The following WWP2 variants were observed in gnomAD, a reference collection of about 807,000 sequenced individuals.
WWP2 encodes WW domain containing E3 ubiquitin protein ligase 2.
A neutral mutation model predicts 121.0 loss-of-function variants in WWP2; 57 were observed. The ratio of observed to expected loss-of-function variants is 0.47; its 90% CI spans 0.38 to 0.59. The LOEUF (loss-of-function observed/expected upper bound fraction) is 0.59. Among genes scored for constraint, WWP2 ranks in the 20% least tolerant of loss-of-function variants. WWP2 has a pLI of 0.00. For synonymous variants in WWP2, 449 were observed against 441.3 expected, an observed-to-expected ratio of 1.02 and a Z score of -0.22; for missense variants, 962 against 1,158.9, an observed-to-expected ratio of 0.83 and a Z score of 2.47.
At chr16:69,933,054 G>T (rs1397850117) in intron 16 of WWP2, 1 of 491,088 alleles carries the variant, frequency 2.0e-6, no homozygotes, top group South Asian at 1.5e-5. Flanking sequence ...TCTGCTTGGT[G>T]GGCTTCTGGT....
chr16:69,824,320 G>A (rs1006753629), intron 4 of WWP2, among the ~76,000 whole-genome samples: 1 of 152,126 alleles, frequency 6.6e-6, no homozygotes, highest in African/African-American at 2.4e-5. Flanking sequence ...AGAGTGGTCC[G>A]TCAAAAGGGA....
In WWP2 at chr16:69,801,053, G is replaced by A. The variant is rs557829953; in HGVS notation, c.340+1758G>A. ...AAAATACAACAATTACCCAGGGATG[G>A]TGGTGGGCGCCTGTAATCCCGGCTA... On this transcript the variant is annotated intron_variant, in intron 4 of 23. Coordinates refer to ENST00000359154, the MANE Select transcript of WWP2 (RefSeq NM_001270454.2). Among the ~76,000 whole-genome samples the A allele has an allele frequency of 2.1e-4, 31 of 148,334 alleles. 1 individual carries two copies. The highest frequency in any genetic ancestry group is 3.4e-3 in the Middle Eastern group (1 of 294).
intron 9 of WWP2, among the ~76,000 whole-genome samples, chr16:69,913,805 C>T (rs910613844): frequency 6.6e-6 from 1 of 151,836 alleles, no homozygotes; most frequent in African/African-American, 2.4e-5. Context: ...CATGGTGGCT[C>T]ACGCATGTAA....
chr16:69,851,194 T>G (rs2057205209), intron 6 of WWP2, among the ~76,000 whole-genome samples: 1 of 151,612 alleles, frequency 6.6e-6, no homozygotes, highest in African/African-American at 2.4e-5. Flanking sequence ...TTTTTTGTAT[T>G]TTTAGTAGAG....
chr16:69,930,303 C>G, intron 13 of WWP2, 45 bp downstream of exon 13: 4 of 1,604,126 alleles, frequency 2.5e-6, no homozygotes, highest in Non-Finnish European at 2.6e-6. Context: ...AGCCGAGGCC[C>G]AGGCTGTCCT....
intron 9 of WWP2, among the ~76,000 whole-genome samples, chr16:69,911,317 G>A (rs1164471784): frequency 2.0e-5 from 3 of 152,220 alleles, no homozygotes; most frequent in African/African-American, 4.8e-5. Flanking sequence ...CTTAAGCAGT[G>A]TTCAGACCAC....
At chr16:69,840,724 G>T (rs1188644507) in intron 5 of WWP2, among the ~76,000 whole-genome samples, 1 of 152,160 alleles carries the variant, frequency 6.6e-6, no homozygotes, top group Non-Finnish European at 1.5e-5. Context: ...CCCTTGCTCT[G>T]TCCCGAATGT....
chr16:69,888,306 TACGGGGGTGGAAACAACGTG>T, intron 8 of WWP2, 57 bp downstream of exon 8: 3 of 1,552,544 alleles, frequency 1.9e-6, no homozygotes, highest in Non-Finnish European at 2.6e-6. Flanking sequence ...GAGGCTCCTT[TACGGGGGTGGAAACAACGTG>T]GTTATTTATT....
At chr16:69,939,523 G>T in intron 23 of WWP2, 110 bp downstream of exon 23, 1 of 1,160,722 alleles carries the variant, frequency 8.6e-7, no homozygotes, top group Non-Finnish European at 1.2e-6. Flanking sequence ...CAGCTTTTGC[G>T]TGGCCCTGGG....
At chr16:69,936,749 C>A in intron 19 of WWP2, 1 of 503,296 alleles carries the variant, frequency 2.0e-6, no homozygotes, top group Non-Finnish European at 3.6e-6. Flanking sequence ...TTTCTCCGGG[C>A]CGAAAGGATC....
chr16:69,867,161 C>A (rs768051952), intron 6 of WWP2, among the ~76,000 whole-genome samples: 13 of 147,530 alleles, frequency 8.8e-5, no homozygotes, highest in Non-Finnish European at 3.0e-5. Context: ...TTTTTTTAAA[C>A]CAAACAAACA....
chr16:69,815,184 G>T (rs190011229), intron 4 of WWP2, among the ~76,000 whole-genome samples: 116 of 152,062 alleles, frequency 7.6e-4, no homozygotes, highest in Non-Finnish European at 1.4e-3. Flanking sequence ...TGTATTTTTA[G>T]TAGAGACAGG....
rs116734578 is a variant in WWP2 at position 69,921,635 on chromosome 16, C to T, written c.1179+3752C>T. On this transcript the variant is annotated intron_variant, in intron 10 of 23. Coordinates refer to ENST00000359154, the MANE Select transcript of WWP2 (RefSeq NM_001270454.2). Reference sequence around the variant, plus strand: ...GTATCTTTTCGTTTGCTTGCTTCACCGTTGCAGTTTCTTTTTGCCGTCTTG... The same window carrying T: ...GTATCTTTTCGTTTGCTTGCTTCACTGTTGCAGTTTCTTTTTGCCGTCTTG... Among the ~76,000 whole-genome samples, 1,497 of 152,278 alleles carry T rather than the reference C, an allele frequency of 9.8e-3. 25 individuals are homozygous for T. The highest frequency in any genetic ancestry group is 0.035 in the African/African-American group (1,442 of 41,550).
intron 6 of WWP2, among the ~76,000 whole-genome samples, chr16:69,855,080 C>G (rs2057286611): frequency 6.6e-6 from 1 of 152,228 alleles, no homozygotes; most frequent in Non-Finnish European, 1.5e-5. Flanking sequence ...ACTCTGAACT[C>G]AAGCGATCCA....
chr16:69,848,103 C>G (rs188425572), intron 6 of WWP2, among the ~76,000 whole-genome samples: 1 of 152,248 alleles, frequency 6.6e-6, no homozygotes, highest in African/African-American at 2.4e-5. Flanking sequence ...CTTTTTGATT[C>G]ATAAAATTTT....
chr16:69,897,756 A>G (rs1267091477), intron 8 of WWP2, among the ~76,000 whole-genome samples: 1 of 151,912 alleles, frequency 6.6e-6, no homozygotes, highest in African/African-American at 2.4e-5. Flanking sequence ...AAAAATACAA[A>G]AATTAGCCGG....
chr16:69,827,566 T>A (rs2056724509), intron 4 of WWP2, among the ~76,000 whole-genome samples: 1 of 152,238 alleles, frequency 6.6e-6, no homozygotes, highest in Admixed American at 6.5e-5. Context: ...AATTGTAACC[T>A]TAAAAAATAA....
intron 2 of WWP2, among the ~76,000 whole-genome samples, chr16:69,797,973 C>T (rs2056082458): frequency 6.6e-6 from 1 of 152,174 alleles, no homozygotes; most frequent in Non-Finnish European, 1.5e-5. Context: ...CCACCTTGGC[C>T]TCCCAAAGTG....
intron 4 of WWP2, among the ~76,000 whole-genome samples, chr16:69,831,346 G>T (rs1402546777): frequency 6.6e-6 from 1 of 152,142 alleles, no homozygotes; most frequent in African/African-American, 2.4e-5. Flanking sequence ...CCCCAAACTA[G>T]AAAGTTCTTT....
Sources: gnomAD v4.1 joint callset for allele counts (sites outside exome capture counted in the v4.1 genomes callset) on GRCh38, gnomAD v4.1.1 for gene constraint, MANE v1.5 for transcripts, NCBI Gene and HGNC (gene_info 2026-07-23, HGNC 2026-07-21) for gene names.